Variants in BBS2 observed in about 807,000 individuals in gnomAD.
BBS2 encodes BBSome complex member BBS2.
In BBS2, 62 loss-of-function variants were observed where a neutral mutation model predicts 83.0. The ratio of observed to expected loss-of-function variants is 0.75; its 90% CI spans 0.61 to 0.92. The LOEUF (loss-of-function observed/expected upper bound fraction) is 0.92. Ranked by LOEUF, BBS2 falls within the 40% of genes least tolerant of loss-of-function variation. BBS2 has a pLI of 0.00. For missense variants in BBS2, 784 were observed against 901.0 expected (o/e 0.87, Z 1.66); for synonymous variants, 303 against 326.1 (o/e 0.93, Z 0.76).
At chr16:56,474,558 G>A (rs1375393908) in intron 17 of BBS2, among the ~76,000 whole-genome samples, 1 of 151,988 alleles carries the variant, frequency 6.6e-6, no homozygotes, top group East Asian at 1.9e-4. Flanking sequence ...GACCTCAGGT[G>A]ATCTGCCCAC....
In BBS2 at chr16:56,485,573, T is replaced by C; in HGVS notation, c.2059+17A>G. 6.2e-7 allele frequency: 1 copy of C among 1,613,952 alleles called. No individual in the cohort carries two copies. Among genetic ancestry groups the C allele is most frequent in the South Asian group, 1.1e-5 (1 of 91,084 alleles). On this transcript the variant is annotated intron_variant, in intron 16 of 16. Transcript: ENST00000245157. ...AACATTACAGATCAAAGTGCAGTGT[T>C]ATGAAAAGAGACTTACCCCGCAGAC... is the stretch of plus-strand genomic sequence containing the variant.
chr16:56,476,202 A>ATGAC (rs1265958147), intron 17 of BBS2: 1 of 1,610,242 alleles, frequency 6.2e-7, no homozygotes, highest in Non-Finnish European at 8.5e-7. Context: ...TCTATTATGA[A>ATGAC]TGACAGCACT....
At chr16:56,503,685 C>T (rs529399347) in intron 7 of BBS2, among the ~76,000 whole-genome samples, 9 of 152,148 alleles carry the variant, frequency 5.9e-5, no homozygotes, top group South Asian at 2.1e-4. Context: ...TTTGTGAGGC[C>T]GAGGCAGGCG....
intron 13 of BBS2, 77 bp downstream of exon 13, chr16:56,498,360 C>T (rs1964169777): frequency 6.5e-7 from 1 of 1,546,400 alleles, no homozygotes; most frequent in Non-Finnish European, 8.9e-7. Flanking sequence ...AATCTATGCC[C>T]CTCTCATTCC....
chr16:56,516,106 T>TCTCAGGAGTCAGACTTTCCCCCA (rs1444100721), intron 1 of BBS2: 1 of 152,186 alleles, frequency 6.6e-6, no homozygotes, highest in Non-Finnish European at 1.5e-5. Context: ...GCAACAAGGA[T>TCTCAGGAGTCAGACTTTCCCCCA]CTCAGGAGTC....
chr16:56,514,757 G>C, intron 1 of BBS2, 77 bp from the exon 2 acceptor site: 1 of 1,097,890 alleles, frequency 9.1e-7, no homozygotes, highest in Non-Finnish European at 1.3e-6. Flanking sequence ...AAAAGAACCA[G>C]GTTATTAACA....
In BBS2 at chr16:56,505,912, A is replaced by G. The variant is rs375364295; in HGVS notation, c.804+38T>C. 3 of 1,490,314 alleles carry G rather than the reference A, an allele frequency of 2.0e-6. No individual in the cohort carries two copies. The African/African-American group carries it at 4.1e-5, about 21-fold the overall frequency. 92.3% of individuals were successfully genotyped at this position (1,490,314 alleles called of 1,614,324 possible). On this transcript the variant is annotated intron_variant, in intron 7 of 16. Transcript: ENST00000245157. ...AGCCAATACACCTTGGACAATTACTACTCTGAATTATACCTGAACTTTGCT... is the reference window on the plus strand; with the variant it reads ...AGCCAATACACCTTGGACAATTACTGCTCTGAATTATACCTGAACTTTGCT...
At position 56,506,010 on chromosome 16, in the gene BBS2, A is replaced by G. The variant is rs186893286; in HGVS notation, c.744T>C (p.His248=). ...CTCCATCAGAATTAAGGTCAAAAGC[A>G]TGAATGCTCATGGCATGATTTTTCG... is the stretch of plus-strand genomic sequence containing the variant. ...IKSKNHAMSI[H]AFDLNSDGVN... is the part of the protein sequence containing the mutation. The change falls in exon 7 of 17, where the codon CAT becomes CAC. Residue 248 remains histidine, a synonymous_variant. Coordinates refer to ENST00000245157, the MANE Select transcript of BBS2 (RefSeq NM_031885.5). 1.6e-4 allele frequency: 263 copies of G among 1,614,090 alleles called. 2 individuals are homozygous for G. The East Asian group carries it at 5.8e-3, about 36-fold the overall frequency.
chr16:56,490,854 C>T (rs868647476), intron 15 of BBS2, among the ~76,000 whole-genome samples: 89 of 151,702 alleles, frequency 5.9e-4, no homozygotes, highest in African/African-American at 2.0e-3. Flanking sequence ...CTCCGCCTCC[C>T]GGGTTCACAC....
chr16:56,519,579 G>C (rs117762830), intron 1 of BBS2, 167 bp downstream of exon 1: 4 of 608,718 alleles, frequency 6.6e-6, no homozygotes, highest in Non-Finnish European at 8.8e-6. Context: ...CTTCCTCTAA[G>C]ACCCCACTGT....
chr16:56,483,834 G>C (rs1963701249), downstream of BBS2, among the ~76,000 whole-genome samples: 1 of 151,140 alleles, frequency 6.6e-6, no homozygotes, highest in African/African-American at 2.4e-5. Flanking sequence ...TGCATAGCTG[G>C]GATTGTAGGT....
intron 13 of BBS2, among the ~76,000 whole-genome samples, chr16:56,498,228 A>C (rs1201060323): frequency 6.6e-6 from 1 of 152,284 alleles, no homozygotes; most frequent in East Asian, 1.9e-4. Context: ...CAGTGTCTAA[A>C]ATGGTAACAC....
intron 15 of BBS2, among the ~76,000 whole-genome samples, chr16:56,491,096 G>C (rs907865299): frequency 3.0e-4 from 45 of 152,146 alleles, no homozygotes; most frequent in East Asian, 3.9e-4. Context: ...CTAAGCAAAG[G>C]GAAAACCCAA....
intron 17 of BBS2, among the ~76,000 whole-genome samples, chr16:56,475,843 T>C (rs1210724971): frequency 6.6e-6 from 1 of 152,218 alleles, no homozygotes; most frequent in African/African-American, 2.4e-5. Flanking sequence ...ATGTAATAGG[T>C]AAGTACCTTT....
chr16:56,503,281 A>G (rs1559452), intron 7 of BBS2, among the ~76,000 whole-genome samples: 34,577 of 152,182 alleles, frequency 0.23, 4,532 homozygotes, highest in African/African-American at 0.36. Flanking sequence ...CCCATTGGGT[A>G]TAACTGAGGC....
chr16:56,497,319 C>T, intron 14 of BBS2: 1 of 564,698 alleles, frequency 1.8e-6, no homozygotes, highest in South Asian at 2.0e-5. Context: ...CAGGAGCCCC[C>T]ACAACACACA....
chr16:56,484,228 G>A (rs192524609), downstream of BBS2: 227 of 154,684 alleles, frequency 1.5e-3, no homozygotes, highest in African/African-American at 4.6e-3. Context: ...GGATGGTCTC[G>A]ATCTCCTGAC....
intron 15 of BBS2, among the ~76,000 whole-genome samples, chr16:56,494,747 G>A (rs1964065384): frequency 6.6e-6 from 1 of 152,148 alleles, no homozygotes; most frequent in Admixed American, 6.5e-5. Context: ...CAGATCACGA[G>A]CTCAGGAGAT....
chr16:56,479,824 A>G (rs1330320375), downstream of BBS2, among the ~76,000 whole-genome samples: 3 of 152,302 alleles, frequency 2.0e-5, no homozygotes, highest in African/African-American at 7.2e-5. Flanking sequence ...TCCTCTGTGA[A>G]GGGTCTCAGT....
Sources: allele counts gnomAD v4.1 joint callset (sites outside exome capture counted in the v4.1 genomes callset), GRCh38; gene constraint gnomAD v4.1.1; transcripts MANE v1.5; gene names NCBI Gene and HGNC (gene_info 2026-07-23, HGNC 2026-07-21).